The following ABI3BP variants were observed in gnomAD, a reference collection of about 807,000 sequenced individuals.
ABI3BP encodes target of Nesh-SH3.
In ABI3BP, 216 loss-of-function variants were observed where a neutral mutation model predicts 268.6. That is an observed-to-expected ratio of 0.80 (90% CI 0.72 to 0.90). The LOEUF is 0.90. ABI3BP is among the 40% of genes least tolerant of loss of function. The pLI is 0.00. For synonymous variants in ABI3BP, 730 were observed against 730.0 expected, an observed-to-expected ratio of 1.00 and a Z score of 0.00; for missense variants, 2,090 against 2,182.4, an observed-to-expected ratio of 0.96 and a Z score of 0.84.
intron 1 of ABI3BP, among the ~76,000 whole-genome samples, chr3:100,970,681 T>A (rs537875352): frequency 2.6e-5 from 4 of 152,312 alleles, no homozygotes; most frequent in African/African-American, 7.2e-5. Context: ...AGTTCCTGGC[T>A]TGTTATTTCC....
intron 9 of ABI3BP, among the ~76,000 whole-genome samples, chr3:100,873,413 T>G (rs889687741): frequency 1.3e-5 from 2 of 151,914 alleles, no homozygotes; most frequent in Admixed American, 6.6e-5. Flanking sequence ...TTTCCCCCAG[T>G]AAGTCTCCAG....
chr3:100,885,674 A>G, intron 5 of ABI3BP, 86 bp from the exon 6 acceptor site: 2 of 738,546 alleles, frequency 2.7e-6, no homozygotes. Context: ...GACAACTACA[A>G]CTCATCCTCT....
chr3:100,905,947 T>C (rs1324569721), intron 2 of ABI3BP, among the ~76,000 whole-genome samples: 1 of 152,192 alleles, frequency 6.6e-6, no homozygotes. Context: ...TTTTCCATGT[T>C]TTTGAACCAG....
At position 100,820,294 on chromosome 3, in the gene ABI3BP, G is replaced by A; in HGVS notation, c.2957C>T (p.Thr986Ile). ...ACGTGGACGACGAGTTCGTTGTGAT[G>A]TTTTAGGAGCTGAAGAAAGAAAACC... Reference protein sequence around the residue: ...ETWVTTQAPKTSQRTRRPRPK... With the variant: ...ETWVTTQAPKISQRTRRPRPK... Residue 986 changes from threonine to isoleucine, a missense_variant, in exon 40 of 68, where the codon ACA becomes ATA. By Grantham distance (89) the Thr-to-Ile change is moderately conservative. Transcript: ENST00000471714. 1 of 1,535,794 alleles carries A rather than the reference G, an allele frequency of 6.5e-7. No homozygotes were observed. Among genetic ancestry groups the A allele is most frequent in the East Asian group, 2.4e-5 (1 of 40,914 alleles).
intron 2 of ABI3BP, chr3:100,911,748 C>T (rs780391405): frequency 1.3e-5 from 12 of 931,366 alleles, no homozygotes; most frequent in Middle Eastern, 2.8e-4. Flanking sequence ...ATGTTTCAGT[C>T]GATGAGTAGC....
At chr3:100,912,587 AATATTGTCGATTCT>A (rs1254291739) in intron 2 of ABI3BP, among the ~76,000 whole-genome samples, 28 of 152,254 alleles carry the variant, frequency 1.8e-4, no homozygotes, top group African/African-American at 6.3e-4. Context: ...CCATAACAGA[AATATTGTCGATTCT>A]GATTTGCATC....
chr3:100,874,426 C>A (rs1260428614), intron 9 of ABI3BP, among the ~76,000 whole-genome samples: 3 of 152,054 alleles, frequency 2.0e-5, no homozygotes, highest in Non-Finnish European at 4.4e-5. Flanking sequence ...GAACACATAA[C>A]CAGTTCTAGA....
At position 100,829,649 on chromosome 3, in the gene ABI3BP, T is replaced by A. The variant is rs1407889005; in HGVS notation, c.2474A>T (p.Gln825Leu). ...TTTGGGATGTGGACGATGAGTTCGT[T>A]GAGGCACTTTGGGAGCTAAAGGAAG... Reference protein sequence around the residue: ...SGTTAAPKVPQRTHRPHPKPK... With the variant: ...SGTTAAPKVPLRTHRPHPKPK... Residue 825 changes from glutamine (Q) to leucine (L), a missense_variant, in exon 33 of 68, where the codon CAA becomes CTA. Physicochemically the swap from Gln to Leu is moderately radical, Grantham distance 113. Coordinates refer to ENST00000471714, the MANE Select transcript of ABI3BP (RefSeq NM_001375547.2). 6.5e-7 allele frequency: 1 copy of A among 1,535,576 alleles called. No individual in the cohort carries two copies. The highest frequency in any genetic ancestry group is 1.7e-4 in the Middle Eastern group (1 of 5,986).
Position 100,790,648 on chromosome 3 carries a change from C to T in ABI3BP, c.4025-1132G>A, listed in dbSNP as rs1175046054. ...TCTATAGGTTTATTTTGGGCCTTCC[C>T]AAGTATAATAACCATAAAAATTAAT... is the stretch of plus-strand genomic sequence containing the variant. On this transcript the variant is annotated intron_variant, in intron 55 of 67. Transcript: ENST00000471714. 3.3e-5 allele frequency among the ~76,000 whole-genome samples: 5 copies of T among 152,062 alleles called. No individual in the cohort carries two copies. In the South Asian group the frequency reaches 1.0e-3, roughly 32 times the overall value.
At chr3:100,753,780 A>G in intron 65 of ABI3BP, 39 bp downstream of exon 65, 1 of 1,605,118 alleles carries the variant, frequency 6.2e-7, no homozygotes, top group South Asian at 1.1e-5. Flanking sequence ...ATAAATTTAG[A>G]AAAGCATGTA....
chr3:100,852,150 T>C (rs1275909036), intron 14 of ABI3BP, among the ~76,000 whole-genome samples: 1 of 152,160 alleles, frequency 6.6e-6, no homozygotes, highest in Non-Finnish European at 1.5e-5. Context: ...AACCGCAGGA[T>C]TTTATATAGT....
In ABI3BP at chr3:100,852,335, C is replaced by A. The variant is rs1005748351; in HGVS notation, c.1286-395G>T. 1.1e-4 allele frequency among the ~76,000 whole-genome samples: 16 copies of A among 152,278 alleles called. No homozygotes were observed. The East Asian group carries it at 2.3e-3, about 22-fold the overall frequency. On this transcript the variant is annotated intron_variant, in intron 14 of 67. Coordinates refer to ENST00000471714, the MANE Select transcript of ABI3BP (RefSeq NM_001375547.2). The stretch of plus-strand genomic sequence containing the variant: ...ACAGCAGTCCCATTGAGGCAATTTG[C>A]CCAAAGTCTATTGCTCAGTCTTTCT...
At position 100,778,351 on chromosome 3, in the gene ABI3BP, G is replaced by A; in HGVS notation, c.4266C>T (p.Pro1422=). 2 of 1,581,174 alleles carry A rather than the reference G, an allele frequency of 1.3e-6. No individual in the cohort carries two copies. The highest frequency in any genetic ancestry group is 2.2e-5 in the South Asian group (2 of 89,138). ...KPGTRRPPLP[P]RPTHPRRKPL... The stretch of plus-strand genomic sequence containing the variant: ...GTTTTCTTCGTGGGTGTGTAGGTCT[G>A]GGTGGCAAGGGTGGGCGGCGAGTCC... Residue 1422 remains proline (P), a synonymous_variant, in exon 59 of 68, where the codon CCC becomes CCT. Coordinates refer to ENST00000471714, the MANE Select transcript of ABI3BP (RefSeq NM_001375547.2).
intron 1 of ABI3BP, among the ~76,000 whole-genome samples, chr3:100,966,610 G>A (rs59803951): frequency 0.011 from 1,735 of 152,280 alleles, 32 homozygotes; most frequent in African/African-American, 0.039. Flanking sequence ...AGTTAAGGTG[G>A]TTTGTAAAAT....
intron 57 of ABI3BP, among the ~76,000 whole-genome samples, chr3:100,782,113 C>T (rs1238417238): frequency 6.6e-6 from 1 of 152,206 alleles, no homozygotes; most frequent in African/African-American, 2.4e-5. Context: ...GAGCTGCCAC[C>T]ACTGTGTGAG....
chr3:100,816,796 A>C, intron 42 of ABI3BP, 28 bp from the exon 43 acceptor site: 1 of 1,524,652 alleles, frequency 6.6e-7, no homozygotes, highest in Non-Finnish European at 8.8e-7. Context: ...GGATTACTCT[A>C]GTGCAGGTGG....
intron 1 of ABI3BP, among the ~76,000 whole-genome samples, chr3:100,985,764 A>G (rs1162671035): frequency 3.3e-5 from 5 of 152,344 alleles, no homozygotes; most frequent in Non-Finnish European, 7.3e-5. Flanking sequence ...GAGATTTCTT[A>G]TAATTAACCT....
At chr3:100,823,642 C>A in intron 36 of ABI3BP, 128 bp from the exon 37 acceptor site, 1 of 701,264 alleles carries the variant, frequency 1.4e-6, no homozygotes, top group African/African-American at 1.8e-5. Context: ...AACTTCTTAA[C>A]TGAAGGAAAG....
At chr3:100,902,441 G>A (rs920990745) in intron 3 of ABI3BP, among the ~76,000 whole-genome samples, 177 bp downstream of exon 3, 1 of 152,148 alleles carries the variant, frequency 6.6e-6, no homozygotes, top group African/African-American at 2.4e-5. Context: ...ATCCCAAGCA[G>A]TCTCTACCAC....
Sources: allele counts gnomAD v4.1 joint callset (sites outside exome capture counted in the v4.1 genomes callset), GRCh38; gene constraint gnomAD v4.1.1; transcripts MANE v1.5; gene names NCBI Gene and HGNC (gene_info 2026-07-23, HGNC 2026-07-21).